Variants in EDA2R observed in about 807,000 individuals in gnomAD.
The protein encoded by EDA2R is tumor necrosis factor receptor superfamily member 27.
A neutral mutation model predicts 20.1 loss-of-function variants in EDA2R; 26 were observed. That is an observed-to-expected ratio of 1.30 (90% confidence interval 0.95 to 1.80). The LOEUF is 1.80. Ranked by LOEUF, EDA2R falls within the 40% of genes most tolerant of loss-of-function variation. EDA2R has a pLI of 0.00. For synonymous variants in EDA2R, 114 were observed against 88.7 expected (o/e 1.29, Z -1.60); for missense variants, 277 against 228.7 (o/e 1.21, Z -1.36).
intron 2 of EDA2R, 51 bp downstream of exon 2, chrX:66,615,883 G>T: frequency 9.5e-7 from 1 of 1,054,509 alleles, no homozygotes; most frequent in Non-Finnish European, 1.3e-6. Flanking sequence ...CAGTTGCCGG[G>T]CTGGTTCCTA....
rs1279769763 is a variant in EDA2R, at chrX:66,596,567, T to C, written c.*1537A>G. On this transcript the variant is annotated 3_prime_UTR_variant, in exon 7 of 7. Transcript: ENST00000374719. ...ACTGTGTTACCATCATTATCTTTCC[T>C]CTAGAGCAGCAGTGTCAAATGTGGG... The C allele has an allele frequency of 8.1e-5, 9 of 110,696 alleles. No homozygotes were observed. 9.1% of individuals were successfully genotyped at this position (110,696 alleles called of 1,213,427 possible).
At chrX:66,598,332 C>T (rs1204185603) in intron 6 of EDA2R, among the ~76,000 whole-genome samples, 1 of 111,870 alleles carries the variant, frequency 8.9e-6, no homozygotes, top group Non-Finnish European at 1.9e-5. Context: ...GTGGTATTCT[C>T]CAGAGAGGTG....
chrX:66,604,987 G>T, intron 3 of EDA2R, 61 bp downstream of exon 3: 1 of 1,009,736 alleles, frequency 9.9e-7, no homozygotes, highest in Non-Finnish European at 1.3e-6. Flanking sequence ...AGGTGAGGAT[G>T]GGAGAAACCT....
At chrX:66,609,552 A>T (rs1036015743) in intron 2 of EDA2R, among the ~76,000 whole-genome samples, 1 of 111,952 alleles carries the variant, frequency 8.9e-6, no homozygotes, top group Non-Finnish European at 1.9e-5. Context: ...ATCTGCTTAA[A>T]ACAGTGAGCT....
intron 1 of EDA2R, among the ~76,000 whole-genome samples, chrX:66,622,712 C>T (rs1932777917): frequency 8.9e-6 from 1 of 111,985 alleles, no homozygotes; most frequent in Middle Eastern, 4.2e-3. Flanking sequence ...ACAGTGCCAT[C>T]ATTTCCAGAT....
At chrX:66,617,817 C>A (rs758278918) in intron 1 of EDA2R, among the ~76,000 whole-genome samples, 2 of 109,465 alleles carry the variant, frequency 1.8e-5, no homozygotes, top group Non-Finnish European at 3.8e-5. Context: ...GACTTTCTCT[C>A]CCCTCTTTTT....
At chrX:66,626,719 G>A (rs1299090410) in intron 1 of EDA2R, among the ~76,000 whole-genome samples, 1 of 106,147 alleles carries the variant, frequency 9.4e-6, no homozygotes, top group Non-Finnish European at 1.9e-5. Context: ...ATTGTCTTCA[G>A]GTTATCTAAA....
chrX:66,609,780 A>C (rs1194700512), intron 2 of EDA2R, among the ~76,000 whole-genome samples: 1 of 112,136 alleles, frequency 8.9e-6, no homozygotes, highest in Non-Finnish European at 1.9e-5. Flanking sequence ...CAAAAGGAAT[A>C]TCCCAAAGCA....
intron 4 of EDA2R, 76 bp downstream of exon 4, chrX:66,604,345 G>A: frequency 3.3e-6 from 3 of 920,551 alleles, no homozygotes; most frequent in Non-Finnish European, 4.6e-6. Flanking sequence ...GAGGGGATAT[G>A]GGTAGTCTTT....
chrX:66,610,272 AACACACACAC>A (rs10657734), intron 2 of EDA2R, among the ~76,000 whole-genome samples: 5 of 87,454 alleles, frequency 5.7e-5, no homozygotes, highest in Non-Finnish European at 8.9e-5. Context: ...CAGATACACA[AACACACACAC>A]ACACACACAC....
In EDA2R at chrX:66,596,936, A is replaced by G. The variant is rs983122572; in HGVS notation, c.*1168T>C. 6.2e-5 allele frequency: 7 copies of G among 112,497 alleles called. No homozygotes were observed. Among genetic ancestry groups the G allele is most frequent in the African/African-American group, 2.3e-4 (7 of 30,981 alleles). 9.3% of individuals were successfully genotyped at this position (112,497 alleles called of 1,213,427 possible). A position where few individuals can be genotyped will look rare whatever the true frequency, so the allele number is the denominator to read the frequency against. On this transcript the variant is annotated 3_prime_UTR_variant, in exon 7 of 7. Coordinates refer to ENST00000374719, the MANE Select transcript of EDA2R (RefSeq NM_021783.5). ...TGCTTTTTCCCAAGTCCTTTTAGTA[A>G]TCTGATCAATTGGTTGCCCCAGGGG...
intron 2 of EDA2R, 150 bp from the exon 3 acceptor site, chrX:66,605,376 T>C (rs1206539492): frequency 9.4e-6 from 4 of 424,989 alleles, no homozygotes; most frequent in Admixed American, 9.3e-5. Context: ...CCAGCCAGCA[T>C]TGAAAGATAA....
At chrX:66,637,304 C>T (rs999116996) in intron 1 of EDA2R, among the ~76,000 whole-genome samples, 1 of 111,857 alleles carries the variant, frequency 8.9e-6, no homozygotes, top group Non-Finnish European at 1.9e-5. Flanking sequence ...CCCACAGCCA[C>T]GACCTCAGTT....
chrX:66,607,964 C>A (rs1929999224), intron 2 of EDA2R, among the ~76,000 whole-genome samples: 2 of 111,177 alleles, frequency 1.8e-5, no homozygotes, highest in Admixed American at 1.9e-4. Context: ...CACACATGGA[C>A]AAAGAACTAA....
chrX:66,630,852 A>C (rs55908155), intron 1 of EDA2R, among the ~76,000 whole-genome samples: 103 of 72,542 alleles, frequency 1.4e-3, no homozygotes, highest in African/African-American at 4.1e-3. Context: ...CACACACACA[A>C]ACACACGTAT....
Position 66,612,701 on chromosome X carries a change from A to G in EDA2R, c.87+3233T>C, listed in dbSNP as rs779251705. On this transcript the variant is annotated intron_variant, in intron 2 of 6. Transcript: ENST00000374719. ...TGTTAGGTTTAAATCTTAAAATATCAAAGATTATTTAAACATAAATGTTCT... is the reference window on the plus strand; with the variant it reads ...TGTTAGGTTTAAATCTTAAAATATCGAAGATTATTTAAACATAAATGTTCT... 5.4e-5 allele frequency among the ~76,000 whole-genome samples: 6 copies of G among 112,035 alleles called. No homozygotes were observed. The South Asian group carries it at 1.9e-3, about 35-fold the overall frequency.
At chrX:66,638,658 A>G (rs1292064694) in intron 1 of EDA2R, among the ~76,000 whole-genome samples, 1 of 110,826 alleles carries the variant, frequency 9.0e-6, no homozygotes, top group East Asian at 2.9e-4. Context: ...CGCCTTCACT[A>G]ACACCCAGCC....
At chrX:66,636,596 G>A (rs1934346419) in intron 1 of EDA2R, among the ~76,000 whole-genome samples, 1 of 109,863 alleles carries the variant, frequency 9.1e-6, no homozygotes, top group Admixed American at 9.8e-5. Flanking sequence ...AAGACAGTGG[G>A]CTCTCTCAGG....
At chrX:66,632,203 C>T (rs914076750) in intron 1 of EDA2R, among the ~76,000 whole-genome samples, 5 of 111,841 alleles carry the variant, frequency 4.5e-5, no homozygotes, top group Admixed American at 9.5e-5. Flanking sequence ...GCAGGTGGAT[C>T]ACTTGAGGTC....
Sources: allele counts gnomAD v4.1 joint callset (sites outside exome capture counted in the v4.1 genomes callset), GRCh38; gene constraint gnomAD v4.1.1; transcripts MANE v1.5; gene names NCBI Gene and HGNC (gene_info 2026-07-23, HGNC 2026-07-21).